GGT7: variants seen among roughly 807,000 people sequenced by gnomAD.
The protein encoded by GGT7 is glutathione hydrolase 7.
In GGT7, 30 loss-of-function variants were observed where a neutral mutation model predicts 69.2. The observed-to-expected ratio is 0.43, with a 90% confidence interval of 0.32 to 0.59. The LOEUF is 0.59. Ranked by LOEUF, GGT7 falls within the 20% of genes least tolerant of loss-of-function variation. The pLI is 0.05. For synonymous variants in GGT7, 388 were observed against 391.8 expected (o/e 0.99, Z 0.12); for missense variants, 733 against 901.1 (o/e 0.81, Z 2.39).
intron 1 of GGT7, among the ~76,000 whole-genome samples, chr20:34,869,319 GCAC>G (rs2146932186): frequency 6.6e-6 from 1 of 152,046 alleles, no homozygotes; most frequent in African/African-American, 2.4e-5. Flanking sequence ...AGACAGGCAT[GCAC>G]CACCACACCT....
intron 13 of GGT7, chr20:34,851,012 T>C (rs2079380990): frequency 5.9e-6 from 4 of 675,914 alleles, no homozygotes; most frequent in Non-Finnish European, 7.9e-6. Context: ...CCATTTCCCC[T>C]GCAACCGGGA....
At chr20:34,852,786 C>T (rs963641225) in intron 10 of GGT7, among the ~76,000 whole-genome samples, 1 of 152,146 alleles carries the variant, frequency 6.6e-6, no homozygotes, top group Non-Finnish European at 1.5e-5. Flanking sequence ...AATCAAGAGC[C>T]TTTTAGTTAT....
At chr20:34,864,948 C>T (rs963241776) in intron 1 of GGT7, among the ~76,000 whole-genome samples, 5 of 151,858 alleles carry the variant, frequency 3.3e-5, no homozygotes, top group African/African-American at 1.2e-4. Context: ...TCAGCCTCTC[C>T]AGTAGCTGTG....
At chr20:34,852,771 G>C (rs546989746) in intron 10 of GGT7, among the ~76,000 whole-genome samples, 1 of 152,156 alleles carries the variant, frequency 6.6e-6, no homozygotes, top group East Asian at 1.9e-4. Flanking sequence ...TTTATTTAAT[G>C]TTTAAATCAA....
At chr20:34,853,661 G>A (rs908331259) in intron 10 of GGT7, among the ~76,000 whole-genome samples, 1 of 151,852 alleles carries the variant, frequency 6.6e-6, no homozygotes, top group Non-Finnish European at 1.5e-5. Context: ...AAGATTACTT[G>A]AAGACATTTA....
In GGT7 at chr20:34,845,121, C is replaced by CCAG. The variant is rs2079279749; in HGVS notation, c.*206_*207insCTG. 1 of 431,792 alleles carries CCAG rather than the reference C, an allele frequency of 2.3e-6. No individual in the cohort carries two copies. Among genetic ancestry groups the CCAG allele is most frequent in the African/African-American group, 2.4e-5 (1 of 41,136 alleles). The allele number at this position is 431,792 out of a possible 1,614,324, so 26.7% of individuals were successfully genotyped here. A position where few individuals can be genotyped will look rare whatever the true frequency, so the allele number is the denominator to read the frequency against. On this transcript the variant is annotated 3_prime_UTR_variant, in exon 15 of 15. Transcript: ENST00000336431. Reference sequence around the variant, plus strand: ...CTGTAGATGCTGACACTCACCACCACCACCACCACCACCACCACCACCACC... The same window carrying CCAG: ...CTGTAGATGCTGACACTCACCACCACCAGCACCACCACCACCACCACCACCACC...
chr20:34,847,725 A>G (rs2079322765), intron 14 of GGT7, among the ~76,000 whole-genome samples: 1 of 152,344 alleles, frequency 6.6e-6, no homozygotes, highest in Middle Eastern at 3.4e-3. Context: ...AATAGATGAT[A>G]GCTATTTGTC....
chr20:34,857,026 T>C (rs749106134), intron 7 of GGT7, 133 bp from the exon 8 acceptor site: 41 of 684,634 alleles, frequency 6.0e-5, no homozygotes, highest in Non-Finnish European at 9.4e-5. Context: ...TCGTGGCCTT[T>C]AGAGACCCCA....
chr20:34,849,932 G>A lies in GGT7; in HGVS notation c.1825+29C>T, dbSNP rs764079719. 44 of 1,394,474 alleles carry A rather than the reference G, an allele frequency of 3.2e-5. 1 individual carries two copies. The highest frequency in any genetic ancestry group is 1.3e-4 in the South Asian group (11 of 84,640). 86.4% of individuals were successfully genotyped at this position (1,394,474 alleles called of 1,614,324 possible). A position where few individuals can be genotyped will look rare whatever the true frequency, so the allele number is the denominator to read the frequency against. ...CCTTTCTCTACCTGTCCCTGTGCCC[G>A]CCCCACGAGGTCTCTGCTCTGCACT... On this transcript the variant is annotated intron_variant, in intron 14 of 14. Coordinates refer to ENST00000336431, the MANE Select transcript of GGT7 (RefSeq NM_178026.3).
At chr20:34,848,674 A>G (rs2079337795) in intron 14 of GGT7, among the ~76,000 whole-genome samples, 1 of 152,252 alleles carries the variant, frequency 6.6e-6, no homozygotes, top group Admixed American at 6.5e-5. Context: ...AGAGCTGTGC[A>G]GTAAAGAATA....
intron 14 of GGT7, among the ~76,000 whole-genome samples, chr20:34,849,224 G>A (rs1450381712): frequency 1.3e-5 from 2 of 150,596 alleles, no homozygotes; most frequent in South Asian, 2.1e-4. Flanking sequence ...GGGCAGTGGC[G>A]TGATCTTGGC....
At chr20:34,852,999 G>T (rs1231118057) in intron 10 of GGT7, among the ~76,000 whole-genome samples, 4 of 152,138 alleles carry the variant, frequency 2.6e-5, no homozygotes, top group Middle Eastern at 6.8e-3. Context: ...ACACAGGCTG[G>T]AGTGCAGTGA....
Position 34,852,525 on chromosome 20 carries a change from C to T in GGT7, c.1333G>A (p.Ala445Thr), listed in dbSNP as rs866226326. ...TCATTGATATGGCCCCGGAGGTAGG[C>T]GGCCTCCACCTTGCTGAAAAGACAA... is the stretch of plus-strand genomic sequence containing the variant. ...MDDMLSKVEAAYLRGHINDSQ... is the reference protein window; with the variant it reads ...MDDMLSKVEATYLRGHINDSQ... Residue 445 changes from alanine to threonine, a missense_variant, in exon 11 of 15, where the codon GCC (alanine) becomes ACC (threonine). By Grantham distance (58) the Ala-to-Thr change is moderately conservative. Coordinates refer to ENST00000336431, the MANE Select transcript of GGT7 (RefSeq NM_178026.3). 8.2e-6 allele frequency: 13 copies of T among 1,579,694 alleles called. No individual in the cohort carries two copies. The Middle Eastern group carries it at 8.6e-4, about 105-fold the overall frequency.
At position 34,859,629 on chromosome 20, in the gene GGT7, C is replaced by T. The variant is rs1050861182; in HGVS notation, c.828G>A (p.Leu276=). ...FNVTHDLARA[L]AEQLPPNMSE... ...ACATGTTGGGTGGCAGCTGTTCAGC[C>T]AGGGCACGGGCTAGGGGCAGGGACG... is the stretch of plus-strand genomic sequence containing the variant. Residue 276 remains leucine, a synonymous_variant, in exon 7 of 15, where the codon CTG becomes CTA. Transcript: ENST00000336431. The T allele has an allele frequency of 8.8e-6, 14 of 1,596,262 alleles. No homozygotes were observed. The highest frequency in any genetic ancestry group is 1.1e-5 in the South Asian group (1 of 89,120).
At chr20:34,866,945 G>T (rs964914502) in intron 1 of GGT7, among the ~76,000 whole-genome samples, 7 of 152,078 alleles carry the variant, frequency 4.6e-5, no homozygotes, top group Non-Finnish European at 1.0e-4. Context: ...CATAATGCTT[G>T]CCTCTAACCC....
chr20:34,872,178 C>T (rs181153490), intron 1 of GGT7: 1 of 153,226 alleles, frequency 6.5e-6, no homozygotes, highest in African/African-American at 2.4e-5. Flanking sequence ...CCTCCCTAGA[C>T]ATGAAGAGAT....
At chr20:34,845,614 A>G in intron 14 of GGT7, 123 bp from the exon 15 acceptor site, 1 of 785,710 alleles carries the variant, frequency 1.3e-6, no homozygotes, top group Admixed American at 2.4e-5. Context: ...CCTTGGACAA[A>G]TCACTTTACC....
intron 10 of GGT7, among the ~76,000 whole-genome samples, chr20:34,853,006 G>A (rs2079424138): frequency 2.0e-5 from 3 of 152,018 alleles, no homozygotes; most frequent in African/African-American, 7.2e-5. Flanking sequence ...CTGGAGTGCA[G>A]TGACGCTGTC....
rs2079546897 is a variant in GGT7 at position 34,859,461 on chromosome 20, T to A, written c.996A>T (p.Thr332=). ...CACTTACCTCGGCCACCATCTCCAG[T>A]GTGAGGTTGCCACCTGCGTAGAAGG... ...PAAFYAGGNL[T]LEMVAEAQHA... Residue 332 remains threonine, a synonymous_variant, in exon 7 of 15, where the codon ACA becomes ACT. Transcript: ENST00000336431. 6.3e-7 allele frequency: 1 copy of A among 1,590,946 alleles called. No individual in the cohort carries two copies. Among genetic ancestry groups the A allele is most frequent in the Non-Finnish European group, 8.6e-7 (1 of 1,162,878 alleles).
Sources: allele counts gnomAD v4.1 joint callset (sites outside exome capture counted in the v4.1 genomes callset), GRCh38; gene constraint gnomAD v4.1.1; transcripts MANE v1.5; gene names NCBI Gene and HGNC (gene_info 2026-07-23, HGNC 2026-07-21).